Variants in FGD6 observed in about 807,000 individuals in gnomAD.
FGD6 encodes FYVE, RhoGEF and PH domain-containing protein 6.
Under a neutral mutation model 149.4 loss-of-function variants are expected in FGD6, and 90 were observed. That is an observed-to-expected ratio of 0.60 (90% confidence interval 0.51 to 0.72). FGD6 has a LOEUF of 0.72. Ranked by LOEUF, FGD6 falls within the 30% of genes least tolerant of loss-of-function variation. The pLI is 0.00. For missense variants in FGD6, 1,437 were observed against 1,684.8 expected, an observed-to-expected ratio of 0.85 and a Z score of 2.57; for synonymous variants, 527 against 584.0, an observed-to-expected ratio of 0.90 and a Z score of 1.41.
chr12:95,180,011 A>G (rs1881234172), intron 2 of FGD6, among the ~76,000 whole-genome samples: 1 of 151,414 alleles, frequency 6.6e-6, no homozygotes, highest in African/African-American at 2.4e-5. Context: ...CTGGGAGGCC[A>G]AGGTTGCGGT....
chr12:95,214,530 T>G (rs996254688), intron 1 of FGD6, among the ~76,000 whole-genome samples: 1 of 152,200 alleles, frequency 6.6e-6, no homozygotes, highest in Non-Finnish European at 1.5e-5. Context: ...GCATGACATT[T>G]GGCAATAAAT....
Position 95,089,703 on chromosome 12 carries a change from C to CA in FGD6, c.3851-8dup, listed in dbSNP as rs1877988346. On this transcript the variant is annotated splice_region_variant and splice_polypyrimidine_tract_variant and intron_variant, in intron 17 of 20. Transcript: ENST00000343958. ...CTAGGGGAGTGCTGGTGATCTAGAA[C>CA]AAATCAGGCATGCTTATGTAGGCAA... The CA allele has an allele frequency of 6.2e-7, 1 of 1,612,492 alleles. No homozygotes were observed. The highest frequency in any genetic ancestry group is 1.3e-5 in the African/African-American group (1 of 74,816).
At position 95,209,249 on chromosome 12, in the gene FGD6, C is replaced by A. The variant is rs763573273; in HGVS notation, c.2035G>T (p.Val679Leu). ...GIESDWQGLL[V>L]GEEKRSKPIK... ...GGTTTACTTCTCTTCTCCTCTCCTA[C>A]CAACAAGCCTTGCCAATCACTTTCA... The change falls in exon 2 of 21, where the codon GTA becomes TTA. Residue 679 changes from valine to leucine, a missense_variant. By Grantham distance (32) the Val-to-Leu change is conservative. Coordinates refer to ENST00000343958, the MANE Select transcript of FGD6 (RefSeq NM_018351.4). 17 of 1,613,996 alleles carry A rather than the reference C, an allele frequency of 1.1e-5. No homozygotes were observed. The highest frequency in any genetic ancestry group is 1.0e-4 in the Admixed American group (6 of 59,984).
At chr12:95,127,227 T>TA (rs1879371689) in intron 8 of FGD6, among the ~76,000 whole-genome samples, 2 of 151,814 alleles carry the variant, frequency 1.3e-5, no homozygotes, top group Non-Finnish European at 2.9e-5. Flanking sequence ...AACAGAAGTT[T>TA]TCCGTAAGGG....
rs60238488 is a variant in FGD6 at position 95,114,443 on chromosome 12, TACACACACACACACACAC to T, written c.3083-760_3083-743del. ...CAACATGGGGAAACCCCATCTCTAC[TACACACACACACACACAC>T]ACACACACACACACACACACACACA... is the stretch of plus-strand genomic sequence containing the variant. On this transcript the variant is annotated intron_variant, in intron 8 of 20. Coordinates refer to ENST00000343958, the MANE Select transcript of FGD6 (RefSeq NM_018351.4). Among the ~76,000 whole-genome samples the T allele has an allele frequency of 2.9e-3, 360 of 125,438 alleles. 1 individual carries two copies. Among genetic ancestry groups the T allele is most frequent in the African/African-American group, 8.9e-3 (287 of 32,170 alleles). 82.3% of individuals were successfully genotyped at this position (125,438 alleles called of 152,430 possible). A position where few individuals can be genotyped will look rare whatever the true frequency, so the allele number is the denominator to read the frequency against.
At chr12:95,180,784 CAG>C (rs1220987343) in intron 2 of FGD6, among the ~76,000 whole-genome samples, 1 of 152,008 alleles carries the variant, frequency 6.6e-6, no homozygotes, top group Non-Finnish European at 1.5e-5. Context: ...CCGACACACA[CAG>C]AGTCTGAAAA....
intron 20 of FGD6, among the ~76,000 whole-genome samples, chr12:95,083,349 C>T (rs1877759284): frequency 6.8e-6 from 1 of 147,146 alleles, no homozygotes; most frequent in South Asian, 2.2e-4. Context: ...ACTTCCTTTA[C>T]CTAACTACAT....
At chr12:95,096,658 C>T (rs952534644) in intron 14 of FGD6, among the ~76,000 whole-genome samples, 17 of 152,188 alleles carry the variant, frequency 1.1e-4, no homozygotes, top group African/African-American at 4.1e-4. Context: ...ACACCCCTTG[C>T]CCCCAACTAC....
At chr12:95,122,363 A>G (rs1259356880) in intron 8 of FGD6, among the ~76,000 whole-genome samples, 1 of 152,142 alleles carries the variant, frequency 6.6e-6, no homozygotes, top group Admixed American at 6.6e-5. Flanking sequence ...AAGATCTGCT[A>G]TGCCAGGCAC....
intron 6 of FGD6, among the ~76,000 whole-genome samples, chr12:95,138,181 G>A (rs963831921): frequency 1.3e-5 from 2 of 151,212 alleles, no homozygotes; most frequent in Non-Finnish European, 2.9e-5. Flanking sequence ...TCCAGTCTGG[G>A]CAACAGAGCA....
rs781670174 is a variant in FGD6, at chr12:95,107,643, A to G, written c.3265-12T>C. 1 of 1,613,818 alleles carries G rather than the reference A, an allele frequency of 6.2e-7. No homozygotes were observed. The highest frequency in any genetic ancestry group is 8.5e-7 in the Non-Finnish European group (1 of 1,179,922). Reference sequence around the variant, plus strand: ...TCTTTGAGAAAAACCTGATTCACCCAAACAAACACCCATTTAGTCCTACCA... The same window carrying G: ...TCTTTGAGAAAAACCTGATTCACCCGAACAAACACCCATTTAGTCCTACCA... On this transcript the variant is annotated splice_polypyrimidine_tract_variant and intron_variant, in intron 11 of 20. Coordinates refer to ENST00000343958, the MANE Select transcript of FGD6 (RefSeq NM_018351.4).
At chr12:95,084,754 T>C in intron 19 of FGD6, 108 bp from the exon 20 acceptor site, 1 of 898,518 alleles carries the variant, frequency 1.1e-6, no homozygotes, top group East Asian at 3.0e-5. Context: ...TATTCACATA[T>C]AAGGTAATGA....
chr12:95,134,883 G>T, intron 7 of FGD6, 57 bp from the exon 8 acceptor site: 2 of 1,433,194 alleles, frequency 1.4e-6, no homozygotes, highest in Non-Finnish European at 1.9e-6. Context: ...AAGGGACCCA[G>T]ATTCAAGTGC....
At chr12:95,120,797 AT>A (rs1879164154) in intron 8 of FGD6, among the ~76,000 whole-genome samples, 1 of 152,218 alleles carries the variant, frequency 6.6e-6, no homozygotes, top group African/African-American at 2.4e-5. Context: ...ATATATGAGA[AT>A]AACAGTTTCA....
rs772685891 is a variant in FGD6, at chr12:95,083,030, T to TATATATATATATAC, written c.4256+1467_4256+1468insGTATATATATATAT. Among the ~76,000 whole-genome samples, 501 of 56,428 alleles carry TATATATATATATAC rather than the reference T, an allele frequency of 8.9e-3. 20 individuals are homozygous for TATATATATATATAC. The highest frequency in any genetic ancestry group is 0.029 in the African/African-American group (352 of 12,256). 37.0% of individuals were successfully genotyped at this position (56,428 alleles called of 152,430 possible). The stretch of plus-strand genomic sequence containing the variant: ...AAAAAAAAATATATATATATATATA[T>TATATATATATATAC]ACACACACATACACACACACACACA... On this transcript the variant is annotated intron_variant, in intron 20 of 20. Coordinates refer to ENST00000343958, the MANE Select transcript of FGD6 (RefSeq NM_018351.4).
intron 18 of FGD6, among the ~76,000 whole-genome samples, chr12:95,089,157 A>C (rs966882160): frequency 6.6e-6 from 1 of 152,244 alleles, no homozygotes; most frequent in South Asian, 2.1e-4. Flanking sequence ...AGGAAAGACA[A>C]CCTACTATCA....
At chr12:95,105,229 A>G (rs1878574156) in intron 13 of FGD6, 143 bp from the exon 14 acceptor site, 2 of 692,334 alleles carry the variant, frequency 2.9e-6, no homozygotes, top group Non-Finnish European at 2.5e-6. Flanking sequence ...TCCTTCATCT[A>G]CTCTATGCTT....
intron 5 of FGD6, among the ~76,000 whole-genome samples, chr12:95,146,925 ACAAAACAGATGG>A (rs1880035048): frequency 6.6e-6 from 1 of 152,190 alleles, no homozygotes; most frequent in Non-Finnish European, 1.5e-5. Context: ...GCAATGAAGC[ACAAAACAGATGG>A]CCTTGTTCAT....
At chr12:95,171,767 G>A (rs767627358) in intron 3 of FGD6, among the ~76,000 whole-genome samples, 10 of 151,952 alleles carry the variant, frequency 6.6e-5, no homozygotes, top group Admixed American at 2.6e-4. Context: ...CACCCCCCTC[G>A]GTCTCCCAAA....
Sources: gnomAD v4.1 joint callset for allele counts (sites outside exome capture counted in the v4.1 genomes callset) on GRCh38, gnomAD v4.1.1 for gene constraint, MANE v1.5 for transcripts, NCBI Gene and HGNC (gene_info 2026-07-23, HGNC 2026-07-21) for gene names.